Variants in MYH10 observed in about 807,000 individuals in gnomAD.
MYH10 encodes the protein myosin-10.
In MYH10, 55 loss-of-function variants were observed where a neutral mutation model predicts 257.8. The observed-to-expected ratio is 0.21, with a 90% CI of 0.17 to 0.27. The LOEUF is 0.27. MYH10 is among the 10% of genes least tolerant of loss of function. The pLI, the probability that MYH10 is intolerant of heterozygous loss-of-function variation, is 1.00. For synonymous variants in MYH10, 854 were observed against 921.7 expected, an observed-to-expected ratio of 0.93 and a Z score of 1.33; for missense variants, 1,631 against 2,500.6, an observed-to-expected ratio of 0.65 and a Z score of 7.42.
intron 34 of MYH10, among the ~76,000 whole-genome samples, chr17:8,491,142 T>C (rs564187168): frequency 1.5e-5 from 2 of 135,724 alleles, no homozygotes; most frequent in African/African-American, 5.4e-5. Flanking sequence ...ACAGCAGCCT[T>C]TGGAGGGAGG....
At chr17:8,627,965 C>G (rs1051598602) in intron 1 of MYH10, among the ~76,000 whole-genome samples, 6 of 152,186 alleles carry the variant, frequency 3.9e-5, no homozygotes, top group Admixed American at 3.9e-4. Flanking sequence ...ACTCAGAGTT[C>G]AGCTCCAGAG....
chr17:8,500,787 C>A, intron 29 of MYH10, 39 bp downstream of exon 29: 1 of 1,598,194 alleles, frequency 6.3e-7, no homozygotes, highest in Non-Finnish European at 8.5e-7. Context: ...TGACGACAGA[C>A]TTTCTCCAGG....
intron 8 of MYH10, 90 bp downstream of exon 8, chr17:8,553,865 T>G: frequency 9.9e-7 from 1 of 1,011,110 alleles, no homozygotes; most frequent in Non-Finnish European, 1.5e-6. Flanking sequence ...CATCTGGATT[T>G]TGGGAGTGAT....
intron 6 of MYH10, among the ~76,000 whole-genome samples, chr17:8,574,096 T>C (rs2152012638): frequency 6.6e-6 from 1 of 152,308 alleles, no homozygotes. Context: ...CACAGCAGCA[T>C]TAATTACAAT....
At chr17:8,618,487 C>T (rs1227144298) in intron 2 of MYH10, among the ~76,000 whole-genome samples, 1 of 152,144 alleles carries the variant, frequency 6.6e-6, no homozygotes, top group African/African-American at 2.4e-5. Context: ...GATCCGCCTG[C>T]CTTGGCCTCC....
chr17:8,625,174 C>T (rs1179818647), intron 1 of MYH10, among the ~76,000 whole-genome samples: 1 of 152,174 alleles, frequency 6.6e-6, no homozygotes, highest in Non-Finnish European at 1.5e-5. Context: ...TTGCTTGAAC[C>T]TGAGAGGCGG....
chr17:8,546,601 C>T lies in MYH10; in HGVS notation c.1221G>A (p.Leu407=). The change falls in exon 12 of 43, where the codon CTG becomes CTA. Residue 407 remains leucine, a synonymous_variant. Coordinates refer to ENST00000360416, the MANE Select transcript of MYH10 (RefSeq NM_001256012.3). ...CTCGGCCGACCTTGATCCGGGGAGT[C>T]AGGATGGCCCGAGTAAACTCCATCA... ...MNVMEFTRAI[L]TPRIKVGRDY... is the part of the protein sequence containing the mutation. 6.2e-7 allele frequency: 1 copy of T among 1,614,072 alleles called. No homozygotes were observed. The highest frequency in any genetic ancestry group is 8.5e-7 in the Non-Finnish European group (1 of 1,179,994).
chr17:8,513,952 G>A, intron 21 of MYH10, 58 bp from the exon 22 acceptor site: 2 of 1,416,528 alleles, frequency 1.4e-6, no homozygotes, highest in African/African-American at 1.4e-5. Flanking sequence ...AATGGCTGTT[G>A]TCATAAGAAG....
chr17:8,523,122 C>T (rs1392718419), intron 17 of MYH10, among the ~76,000 whole-genome samples: 1 of 152,168 alleles, frequency 6.6e-6, no homozygotes, highest in Non-Finnish European at 1.5e-5. Flanking sequence ...GCCATATTCC[C>T]AACCCAGGTG....
chr17:8,493,668 G>A, intron 32 of MYH10, 65 bp downstream of exon 32: 1 of 1,529,590 alleles, frequency 6.5e-7, no homozygotes, highest in Non-Finnish European at 8.8e-7. Flanking sequence ...GCCCAGCACA[G>A]CAGGGCCAGG....
chr17:8,573,681 A>C lies in MYH10; in HGVS notation c.663+2962T>G, dbSNP rs143805270. 6.2e-3 allele frequency among the ~76,000 whole-genome samples: 948 copies of C among 152,320 alleles called. 12 individuals carry two copies. Among genetic ancestry groups the C allele is most frequent in the African/African-American group, 0.022 (915 of 41,556 alleles). On this transcript the variant is annotated intron_variant, in intron 6 of 42. Transcript: ENST00000360416. Reference sequence around the variant, plus strand: ...ACTTGCAGTCGGCTGGTGGATACTAAGGGGATATAGCCAAATAAGACCTTT... The same window carrying C: ...ACTTGCAGTCGGCTGGTGGATACTACGGGGATATAGCCAAATAAGACCTTT...
In MYH10 at chr17:8,477,252, A is replaced by G. The variant is rs1037149464; in HGVS notation, c.5707-204T>C. ...AGCAAAGCTAGCATCTACAAAGCAC[A>G]CTAGGCCAAAAGAAATGAAAAAGTA... On this transcript the variant is annotated intron_variant, in intron 41 of 42. Transcript: ENST00000360416. The surrounding 1 kb of genome is among the most constrained non-coding windows in gnomAD (Gnocchi z 4.2). 2.0e-5 allele frequency among the ~76,000 whole-genome samples: 3 copies of G among 152,142 alleles called. No individual in the cohort carries two copies. The highest frequency in any genetic ancestry group is 4.8e-5 in the African/African-American group (2 of 41,448).
Position 8,500,935 on chromosome 17 carries a change from T to G in MYH10, c.3635A>C (p.Lys1212Thr). 4 of 1,614,160 alleles carry G rather than the reference T, an allele frequency of 2.5e-6. No individual in the cohort carries two copies. The highest frequency in any genetic ancestry group is 2.5e-6 in the Non-Finnish European group (3 of 1,180,004). ...GTTCTTAGTTTCCTCCTCAAGAGCT[T>G]TCTTCAGCTCTGCCACTTCTTGTTC... ...KREQEVAELK[K>T]ALEEETKNHE... The change falls in exon 29 of 43, where the codon AAA becomes ACA. Residue 1212 changes from lysine (K) to threonine (T), a missense_variant. Transcript: ENST00000360416.
intron 4 of MYH10, among the ~76,000 whole-genome samples, chr17:8,582,691 G>A (rs531399778): frequency 3.3e-5 from 5 of 152,316 alleles, no homozygotes; most frequent in Admixed American, 3.3e-4. Flanking sequence ...AAAGGGATGT[G>A]CAATCCAAAA....
chr17:8,481,164 C>T (rs553139651), intron 38 of MYH10, among the ~76,000 whole-genome samples, 158 bp downstream of exon 38: 5 of 148,242 alleles, frequency 3.4e-5, no homozygotes, highest in African/African-American at 9.9e-5. Context: ...GTGCAGGGCT[C>T]GGCAGGACTG....
At position 8,481,397 on chromosome 17, in the gene MYH10, G is replaced by T; in HGVS notation, c.5189C>A (p.Ser1730Tyr). ...ILQLQEELAS[S>Y]ERARRHAEQE... ...CTCGGCGTGTCGGCGGGCTCGCTCA[G>T]ATGAGGCAAGTTCCTAAGCAGTGGA... Residue 1730 changes from serine to tyrosine, a missense_variant, in exon 38 of 43, where the codon TCT becomes TAT. Ser to Tyr is a moderately radical substitution (Grantham distance 144). Transcript: ENST00000360416. 1 of 1,614,064 alleles carries T rather than the reference G, an allele frequency of 6.2e-7. No individual in the cohort carries two copies. The highest frequency in any genetic ancestry group is 1.1e-5 in the South Asian group (1 of 91,084).
intron 17 of MYH10, among the ~76,000 whole-genome samples, chr17:8,528,532 ATC>A (rs2081922330): frequency 6.6e-6 from 1 of 151,944 alleles, no homozygotes. Context: ...TTTTCTGCAA[ATC>A]TCTCTTTATT....
At chr17:8,547,716 G>A (rs1367104785) in intron 11 of MYH10, among the ~76,000 whole-genome samples, 1 of 144,394 alleles carries the variant, frequency 6.9e-6, no homozygotes, top group East Asian at 2.0e-4. Context: ...GAAGCAAACT[G>A]ATATATATAT....
At chr17:8,479,260 C>T (rs943457384) in intron 40 of MYH10, among the ~76,000 whole-genome samples, 1 of 54,964 alleles carries the variant, frequency 1.8e-5, no homozygotes, top group South Asian at 6.7e-4. Flanking sequence ...AAACCCCCTA[C>T]ACTCCCTCTT....
Sources: gnomAD v4.1 joint callset for allele counts (sites outside exome capture counted in the v4.1 genomes callset) on GRCh38, gnomAD v4.1.1 for gene constraint, Gnocchi (gnomAD v3.1) non-coding constraint, MANE v1.5 for transcripts, NCBI Gene and HGNC (gene_info 2026-07-23, HGNC 2026-07-21) for gene names.